The following CALN1 variants were observed in gnomAD, a reference collection of about 807,000 sequenced individuals.
CALN1 encodes the protein calcium-binding protein 8.
In CALN1, 17 loss-of-function variants were observed where a neutral mutation model predicts 30.6. The observed-to-expected ratio is 0.56, with a 90% CI of 0.38 to 0.83. The LOEUF (loss-of-function observed/expected upper bound fraction) is 0.83, where lower values mean the gene tolerates loss of function less well. CALN1 is among the 40% of genes least tolerant of loss of function. The pLI is 0.00. For missense variants in CALN1, 291 were observed against 354.9 expected (o/e 0.82, Z 1.45); for synonymous variants, 156 against 131.4 (o/e 1.19, Z -1.28).
intron 3 of CALN1, among the ~76,000 whole-genome samples, chr7:72,243,850 G>T (rs1459759124): frequency 6.6e-6 from 1 of 152,214 alleles, no homozygotes; most frequent in Admixed American, 6.5e-5. Context: ...AGTCCACTTA[G>T]TAAGTTTGAA....
intron 1 of CALN1, among the ~76,000 whole-genome samples, chr7:72,405,536 C>A (rs1562952930): frequency 6.6e-6 from 1 of 152,138 alleles, no homozygotes; most frequent in African/African-American, 2.4e-5. Context: ...GCTGCACACT[C>A]TGTCCCCAGC....
At chr7:71,932,314 T>TAC (rs775141824) in intron 5 of CALN1, among the ~76,000 whole-genome samples, 2 of 152,130 alleles carry the variant, frequency 1.3e-5, no homozygotes, top group African/African-American at 2.4e-5. Context: ...TAGCTGGGAC[T>TAC]ACAGGCACAC....
chr7:72,049,652 CA>C (rs1802705100), intron 4 of CALN1, among the ~76,000 whole-genome samples: 1 of 151,858 alleles, frequency 6.6e-6, no homozygotes, highest in Admixed American at 6.6e-5. Context: ...GGATTACAGG[CA>C]TGCGCCACCA....
rs761805420 is a variant in CALN1 at position 72,388,547 on chromosome 7, G to A, written c.119+14704C>T. Among the ~76,000 whole-genome samples the A allele has an allele frequency of 1.2e-4, 19 of 152,300 alleles. No individual in the cohort carries two copies. The South Asian group carries it at 1.7e-3, about 13-fold the overall frequency. The stretch of plus-strand genomic sequence containing the variant: ...ATACTTAAGTAAAATGCTAATGGGC[G>A]ATACTGCGTGTTGGGGATATGGGCA... On this transcript the variant is annotated intron_variant, in intron 2 of 6. Transcript: ENST00000395275.
chr7:72,022,413 G>C (rs769414443), intron 5 of CALN1, among the ~76,000 whole-genome samples: 2 of 152,164 alleles, frequency 1.3e-5, no homozygotes, highest in Admixed American at 1.3e-4. Context: ...GTTTGTTTGA[G>C]ACAGGGTCTT....
At chr7:72,118,629 C>G (rs546470681) in intron 3 of CALN1, among the ~76,000 whole-genome samples, 1 of 152,260 alleles carries the variant, frequency 6.6e-6, no homozygotes, top group African/African-American at 2.4e-5. Flanking sequence ...ACAAAGAAAG[C>G]CCAGCCCGGC....
intron 3 of CALN1, among the ~76,000 whole-genome samples, chr7:72,183,712 G>A (rs915203601): frequency 5.3e-5 from 8 of 152,246 alleles, no homozygotes; most frequent in African/African-American, 1.9e-4. Flanking sequence ...AAACTCATCA[G>A]GATTTCCATT....
At chr7:72,255,192 T>G (rs1585277738) in intron 3 of CALN1, among the ~76,000 whole-genome samples, 1 of 151,888 alleles carries the variant, frequency 6.6e-6, no homozygotes, top group Non-Finnish European at 1.5e-5. Context: ...CTCAAGCGAT[T>G]CTCATGCTTC....
At position 71,798,149 on chromosome 7, in the gene CALN1, GA is replaced by G. The variant is rs1239455049; in HGVS notation, c.659-10248del. Among the ~76,000 whole-genome samples, 397 of 142,492 alleles carry G rather than the reference GA, an allele frequency of 2.8e-3. 4 individuals are homozygous for G. The highest frequency in any genetic ancestry group is 9.3e-3 in the African/African-American group (345 of 37,016). 93.5% of individuals were successfully genotyped at this position (142,492 alleles called of 152,430 possible). ...AGAGAGAGAGAGAGAGAGAGAGAGAGAGAGAGAGAGAGAGAGAGAGAGAGAG... is the reference window on the plus strand; with the variant it reads ...AGAGAGAGAGAGAGAGAGAGAGAGAGGAGAGAGAGAGAGAGAGAGAGAGAG... On this transcript the variant is annotated intron_variant, in intron 6 of 6. Coordinates refer to ENST00000395275, the MANE Select transcript of CALN1 (RefSeq NM_031468.4).
chr7:71,903,827 A>T (rs1418642570), intron 5 of CALN1, among the ~76,000 whole-genome samples: 1 of 152,212 alleles, frequency 6.6e-6, no homozygotes, highest in African/African-American at 2.4e-5. Flanking sequence ...ATCCCAAAAC[A>T]TATAAGGAAT....
At chr7:72,418,214 A>G (rs1224961274) in intron 1 of CALN1, among the ~76,000 whole-genome samples, 1 of 151,486 alleles carries the variant, frequency 6.6e-6, no homozygotes, top group Non-Finnish European at 1.5e-5. Context: ...GAGAACATGC[A>G]GTATTTGGTT....
At chr7:72,003,436 A>G (rs939981835) in intron 5 of CALN1, among the ~76,000 whole-genome samples, 1 of 152,204 alleles carries the variant, frequency 6.6e-6, no homozygotes, top group African/African-American at 2.4e-5. Context: ...AGCGGTGGTT[A>G]GGAACTGGAC....
chr7:71,877,293 G>A (rs1479330215), intron 5 of CALN1, among the ~76,000 whole-genome samples: 1 of 152,100 alleles, frequency 6.6e-6, no homozygotes, highest in African/African-American at 2.4e-5. Context: ...TTTGAATTGA[G>A]TCAGGAACTA....
chr7:71,989,577 A>G (rs1375227988), intron 5 of CALN1, among the ~76,000 whole-genome samples: 1 of 152,234 alleles, frequency 6.6e-6, no homozygotes, highest in South Asian at 2.1e-4. Flanking sequence ...CTGAGCCACA[A>G]GAAGACAAAC....
chr7:72,249,756 G>A (rs1795424379), intron 3 of CALN1, among the ~76,000 whole-genome samples: 1 of 152,106 alleles, frequency 6.6e-6, no homozygotes, highest in African/African-American at 2.4e-5. Flanking sequence ...TGTCAACATG[G>A]CTAAAGCCTG....
chr7:72,090,352 C>T (rs942277543), intron 4 of CALN1, among the ~76,000 whole-genome samples: 8 of 151,932 alleles, frequency 5.3e-5, no homozygotes, highest in East Asian at 1.9e-4. Context: ...CCCAGTGACT[C>T]GGAAATTAAA....
At chr7:72,130,890 C>CAGA (rs10657882) in intron 3 of CALN1, among the ~76,000 whole-genome samples, 112,906 of 151,818 alleles carry the variant, frequency 0.74, 42,324 homozygotes, top group East Asian at 0.96. Context: ...TTTGAATAAA[C>CAGA]AGGTTATTTT....
At chr7:72,396,620 C>T (rs1242352822) in intron 2 of CALN1, among the ~76,000 whole-genome samples, 1 of 152,010 alleles carries the variant, frequency 6.6e-6, no homozygotes, top group Non-Finnish European at 1.5e-5. Context: ...AAGGACCGTC[C>T]TCTACTATAA....
chr7:71,871,826 T>C (rs1034650301), intron 5 of CALN1, among the ~76,000 whole-genome samples: 1 of 152,152 alleles, frequency 6.6e-6, no homozygotes, highest in Non-Finnish European at 1.5e-5. Context: ...TTTATATAAA[T>C]GTCAGCTCCC....
Sources: gnomAD v4.1 joint callset for allele counts (sites outside exome capture counted in the v4.1 genomes callset) on GRCh38, gnomAD v4.1.1 for gene constraint, MANE v1.5 for transcripts, NCBI Gene and HGNC (gene_info 2026-07-23, HGNC 2026-07-21) for gene names.